RTTN: variants seen among roughly 807,000 people sequenced by gnomAD.
The protein encoded by RTTN is rotatin.
RTTN carries 182 observed loss-of-function variants against 269.2 expected under a neutral mutation model. That is an observed-to-expected ratio of 0.68 (90% CI 0.60 to 0.76). The LOEUF (loss-of-function observed/expected upper bound fraction) is 0.76. RTTN is among the 30% of genes least tolerant of loss of function. The pLI is 0.00. For missense variants in RTTN, 2,545 were observed against 2,608.6 expected (o/e 0.98, Z 0.53); for synonymous variants, 1,006 against 963.5 (o/e 1.04, Z -0.82).
In RTTN at chr18:70,064,359, A is replaced by G. The variant is rs201487030; in HGVS notation, c.4747+1470T>C. Among the ~76,000 whole-genome samples, 36 of 139,084 alleles carry G rather than the reference A, an allele frequency of 2.6e-4. No homozygotes were observed. In the East Asian group the frequency reaches 6.9e-3, roughly 27 times the overall value. 91.2% of individuals were successfully genotyped at this position (139,084 alleles called of 152,430 possible). ...TCCAAAAAAAAAAAAAAAAAAAAAA[A>G]GCGTTAATACTTGAAAATAAAATAA... On this transcript the variant is annotated intron_variant, in intron 35 of 48. Coordinates refer to ENST00000640769, the MANE Select transcript of RTTN (RefSeq NM_173630.4).
chr18:70,072,892 G>A (rs140066694), intron 34 of RTTN, among the ~76,000 whole-genome samples: 2,492 of 152,096 alleles, frequency 0.016, 46 homozygotes, highest in Admixed American at 0.053. Flanking sequence ...GACATCTAGT[G>A]GAACTCGGGT....
intron 19 of RTTN, among the ~76,000 whole-genome samples, chr18:70,141,807 A>G (rs942865817): frequency 6.6e-6 from 1 of 152,180 alleles, no homozygotes; most frequent in African/African-American, 2.4e-5. Flanking sequence ...GAAAAGGCAT[A>G]GCTACAGTGT....
intron 28 of RTTN, among the ~76,000 whole-genome samples, chr18:70,100,732 T>C (rs1285431558): frequency 1.3e-5 from 2 of 152,032 alleles, no homozygotes; most frequent in African/African-American, 4.8e-5. Context: ...ATAGCTCTTA[T>C]TATTGCGAGA....
intron 34 of RTTN, among the ~76,000 whole-genome samples, chr18:70,067,711 A>C (rs1044385330): frequency 6.6e-6 from 1 of 152,218 alleles, no homozygotes; most frequent in African/African-American, 2.4e-5. Flanking sequence ...ACATTCTTTC[A>C]ACTGATAAAG....
At chr18:70,006,555 C>T (rs974387249) in intron 46 of RTTN, 71 bp from the exon 47 acceptor site, 3 of 1,123,700 alleles carry the variant, frequency 2.7e-6, no homozygotes, top group Non-Finnish European at 4.0e-6. Flanking sequence ...TTGGACTAGT[C>T]AGACACCCCC....
At chr18:70,008,088 G>A (rs1171817168) in intron 46 of RTTN, 2 of 153,892 alleles carry the variant, frequency 1.3e-5, no homozygotes, top group African/African-American at 4.8e-5. Context: ...CTCTTCTGTA[G>A]CCTCTGCTGG....
chr18:70,135,460 G>T (rs1184429015), intron 21 of RTTN, among the ~76,000 whole-genome samples, 180 bp from the exon 22 acceptor site: 2 of 152,126 alleles, frequency 1.3e-5, no homozygotes, highest in African/African-American at 4.8e-5. Flanking sequence ...TGGAAGGCTG[G>T]TTAAAACAGT....
chr18:70,150,785 A>G (rs1243841029), intron 14 of RTTN, 52 bp from the exon 15 acceptor site: 1 of 1,400,332 alleles, frequency 7.1e-7, no homozygotes, highest in East Asian at 2.4e-5. Flanking sequence ...TGATTTTTCC[A>G]AAAGATCCAT....
chr18:70,053,112 A>G (rs529513414), intron 38 of RTTN, among the ~76,000 whole-genome samples: 1 of 152,162 alleles, frequency 6.6e-6, no homozygotes, highest in Non-Finnish European at 1.5e-5. Flanking sequence ...TCATCTATTC[A>G]CCACAGTTTT....
chr18:70,163,069 T>TAAAAAAAAAAAAAAA (rs10559303), intron 14 of RTTN, among the ~76,000 whole-genome samples: 7 of 56,984 alleles, frequency 1.2e-4, no homozygotes, highest in African/African-American at 4.9e-4. Flanking sequence ...TTACTATTAT[T>TAAAAAAAAAAAAAAA]AAAAAAAAAA....
intron 26 of RTTN, among the ~76,000 whole-genome samples, chr18:70,115,338 G>C (rs1376418375): frequency 6.6e-6 from 1 of 151,724 alleles, no homozygotes; most frequent in Non-Finnish European, 1.5e-5. Context: ...TGATAGGCTA[G>C]TAAACAAATA....
At chr18:70,096,974 C>A (rs1430592340) in intron 28 of RTTN, among the ~76,000 whole-genome samples, 2 of 152,134 alleles carry the variant, frequency 1.3e-5, no homozygotes, top group African/African-American at 4.8e-5. Context: ...TGATCAGATC[C>A]TTATTATCTT....
Position 70,107,779 on chromosome 18 carries a change from G to T in RTTN, c.3903+1719C>A, listed in dbSNP as rs190236963. 2.0e-5 allele frequency among the ~76,000 whole-genome samples: 3 copies of T among 152,270 alleles called. No homozygotes were observed. In the East Asian group the frequency reaches 5.8e-4, roughly 29 times the overall value. On this transcript the variant is annotated intron_variant, in intron 28 of 48. Coordinates refer to ENST00000640769, the MANE Select transcript of RTTN (RefSeq NM_173630.4). ...AGAAAGATAAACCAAGAAAAATTGA[G>T]AAAGGAATAATTAATGTCTGCAATG... is the stretch of plus-strand genomic sequence containing the variant.
chr18:70,121,067 A>T (rs918636432), intron 26 of RTTN, among the ~76,000 whole-genome samples: 3 of 152,136 alleles, frequency 2.0e-5, no homozygotes, highest in Admixed American at 6.5e-5. Flanking sequence ...AATAAAAAAA[A>T]AAAATTTAGA....
chr18:70,150,458 A>G, intron 15 of RTTN, 150 bp downstream of exon 15: 3 of 696,572 alleles, frequency 4.3e-6, no homozygotes, highest in South Asian at 3.7e-5. Context: ...ATTTATTTTT[A>G]TTTAAATAAC....
chr18:70,152,253 C>A (rs1366604085), intron 14 of RTTN, among the ~76,000 whole-genome samples: 1 of 152,056 alleles, frequency 6.6e-6, no homozygotes, highest in African/African-American at 2.4e-5. Flanking sequence ...CTGGGCTCCA[C>A]ACTCCAAAGG....
At chr18:70,040,018 A>G (rs1231737646) in intron 40 of RTTN, among the ~76,000 whole-genome samples, 1 of 150,314 alleles carries the variant, frequency 6.7e-6, no homozygotes. Flanking sequence ...CCACCAAAGA[A>G]AATCATCTTC....
chr18:70,204,270 TAAG>T lies in RTTN; in HGVS notation c.220-10_220-8del. 6.3e-7 allele frequency: 1 copy of T among 1,595,806 alleles called. No homozygotes were observed. The highest frequency in any genetic ancestry group is 8.5e-7 in the Non-Finnish European group (1 of 1,173,104). The stretch of plus-strand genomic sequence containing the variant: ...GTTGGACTGCTGGGGGATACTAAAA[TAAG>T]AAGAGGATGATCTTGAGAATAACTG... On this transcript the variant is annotated splice_region_variant and splice_polypyrimidine_tract_variant and intron_variant, in intron 2 of 48. Coordinates refer to ENST00000640769, the MANE Select transcript of RTTN (RefSeq NM_173630.4).
intron 12 of RTTN, among the ~76,000 whole-genome samples, chr18:70,167,971 A>G (rs2061035851): frequency 6.6e-6 from 1 of 152,096 alleles, no homozygotes; most frequent in Admixed American, 6.6e-5. Flanking sequence ...ACACAGTGAG[A>G]CCTCATCTCT....
Sources: gnomAD v4.1 joint callset for allele counts (sites outside exome capture counted in the v4.1 genomes callset) on GRCh38, gnomAD v4.1.1 for gene constraint, MANE v1.5 for transcripts, NCBI Gene and HGNC (gene_info 2026-07-23, HGNC 2026-07-21) for gene names.